The following ASTN2 variants were observed in gnomAD, a reference collection of about 807,000 sequenced individuals.
ASTN2 encodes astrotactin-2.
A neutral mutation model predicts 139.8 loss-of-function variants in ASTN2; 54 were observed. The observed-to-expected ratio is 0.39, with a 90% CI of 0.31 to 0.48. ASTN2 has a LOEUF of 0.48. Ranked by LOEUF, ASTN2 falls within the 20% of genes least tolerant of loss-of-function variation. ASTN2 has a pLI of 0.95. For synonymous variants in ASTN2, 756 were observed against 719.5 expected, an observed-to-expected ratio of 1.05 and a Z score of -0.81; for missense variants, 1,565 against 1,725.1, an observed-to-expected ratio of 0.91 and a Z score of 1.64.
At position 116,698,896 on chromosome 9, in the gene ASTN2, T is replaced by C; in HGVS notation, c.2806+26875A>G. ...CTCTACGTGACCAGTCAAGGTGAAGTACTAGTCGCTGACCGTGGTAACTAT... is the reference window on the plus strand; with the variant it reads ...CTCTACGTGACCAGTCAAGGTGAAGCACTAGTCGCTGACCGTGGTAACTAT... On this transcript the variant is annotated intron_variant, in intron 16 of 22. Coordinates refer to ENST00000313400, the MANE Select transcript of ASTN2 (RefSeq NM_001365068.1). This position sits in a 1 kb window ranked among gnomAD's most constrained non-coding sequence, Gnocchi z 4.4. 6.2e-7 allele frequency: 1 copy of C among 1,614,214 alleles called. No homozygotes were observed. Among genetic ancestry groups the C allele is most frequent in the East Asian group, 2.2e-5 (1 of 44,864 alleles).
chr9:117,198,261 T>C (rs1475770100), intron 3 of ASTN2, among the ~76,000 whole-genome samples: 1 of 152,156 alleles, frequency 6.6e-6, no homozygotes, highest in Non-Finnish European at 1.5e-5. Context: ...CTCCCACTTA[T>C]GAGTGAGAAC....
At chr9:116,673,786 T>C (rs1331499342) in intron 16 of ASTN2, among the ~76,000 whole-genome samples, 1 of 152,138 alleles carries the variant, frequency 6.6e-6, no homozygotes, top group Non-Finnish European at 1.5e-5. Flanking sequence ...TTTTCTATGC[T>C]CCAAAACTGT....
At chr9:116,778,947 G>A (rs1204166338) in intron 13 of ASTN2, among the ~76,000 whole-genome samples, 1 of 152,102 alleles carries the variant, frequency 6.6e-6, no homozygotes, top group South Asian at 2.1e-4. Context: ...AGGAACTATC[G>A]CATACTGTTA....
At chr9:117,177,755 G>T (rs1208587508) in intron 3 of ASTN2, among the ~76,000 whole-genome samples, 2 of 152,192 alleles carry the variant, frequency 1.3e-5, no homozygotes, top group Non-Finnish European at 2.9e-5. Context: ...TGTGATTAGA[G>T]TCATCATTTT....
In ASTN2 at chr9:116,698,748, C is replaced by A. The variant is rs1861018684; in HGVS notation, c.2806+27023G>T. The A allele has an allele frequency of 6.2e-7, 1 of 1,614,156 alleles. No homozygotes were observed. Among genetic ancestry groups the A allele is most frequent in the African/African-American group, 1.3e-5 (1 of 75,036 alleles). On this transcript the variant is annotated intron_variant, in intron 16 of 22. Transcript: ENST00000313400. The surrounding 1 kb of genome is among the most constrained non-coding windows in gnomAD (Gnocchi z 4.4). ...GAGCCCGGAGGAAGTGGTTGCCAGCCCTAGGGCCTCACCTGCTAAACAGCG... is the reference window on the plus strand; with the variant it reads ...GAGCCCGGAGGAAGTGGTTGCCAGCACTAGGGCCTCACCTGCTAAACAGCG...
At chr9:117,389,610 T>C (rs931290395) in intron 1 of ASTN2, among the ~76,000 whole-genome samples, 2 of 152,120 alleles carry the variant, frequency 1.3e-5, no homozygotes, top group African/African-American at 4.8e-5. Flanking sequence ...GACTTGACAC[T>C]ATGGAGGCAG....
chr9:116,863,566 G>A lies in ASTN2; in HGVS notation c.2040+17C>T, dbSNP rs746774780. The A allele has an allele frequency of 6.2e-7, 1 of 1,612,488 alleles. No homozygotes were observed. Among genetic ancestry groups the A allele is most frequent in the Admixed American group, 1.7e-5 (1 of 59,956 alleles). ...CCCCTGGGCCACTGCCATGTTCCCGGGCCAATGGGCACTTACCACACATCC... is the reference window on the plus strand; with the variant it reads ...CCCCTGGGCCACTGCCATGTTCCCGAGCCAATGGGCACTTACCACACATCC... On this transcript the variant is annotated intron_variant, in intron 11 of 22. Transcript: ENST00000313400.
intron 1 of ASTN2, among the ~76,000 whole-genome samples, chr9:117,311,224 T>A (rs1405822617): frequency 5.7e-5 from 3 of 52,854 alleles, no homozygotes; most frequent in African/African-American, 2.5e-4. Context: ...AATGGTAGGC[T>A]TACAGAAAAA....
intron 11 of ASTN2, among the ~76,000 whole-genome samples, chr9:116,830,704 A>G (rs1831784303): frequency 6.6e-6 from 1 of 151,600 alleles, no homozygotes; most frequent in South Asian, 2.1e-4. Context: ...AGGTGGGAGA[A>G]TCACTTGAAC....
intron 7 of ASTN2, among the ~76,000 whole-genome samples, chr9:116,989,483 C>T (rs979652522): frequency 1.2e-4 from 18 of 152,242 alleles, no homozygotes; most frequent in Admixed American, 9.2e-4. Context: ...TTGCCATTTC[C>T]AGTCCCTTCC....
At chr9:116,632,003 A>G (rs910618180) in intron 17 of ASTN2, among the ~76,000 whole-genome samples, 1 of 151,624 alleles carries the variant, frequency 6.6e-6, no homozygotes, top group African/African-American at 2.4e-5. Flanking sequence ...AGTGCCAGCT[A>G]CTCGGGAGGC....
At chr9:116,816,348 A>G (rs1219101703) in intron 12 of ASTN2, among the ~76,000 whole-genome samples, 1 of 152,142 alleles carries the variant, frequency 6.6e-6, no homozygotes, top group Non-Finnish European at 1.5e-5. Flanking sequence ...TTAGTGTCCA[A>G]TGACCTTCTC....
At chr9:117,129,385 T>C (rs571921194) in intron 4 of ASTN2, among the ~76,000 whole-genome samples, 1 of 152,182 alleles carries the variant, frequency 6.6e-6, no homozygotes, top group East Asian at 1.9e-4. Flanking sequence ...AAAATTAAAC[T>C]ACATCTAGCC....
At chr9:116,794,937 C>T (rs1830652316) in intron 13 of ASTN2, among the ~76,000 whole-genome samples, 1 of 152,054 alleles carries the variant, frequency 6.6e-6, no homozygotes, top group Admixed American at 6.6e-5. Context: ...GCAAGTGGCA[C>T]TTCTATGCTT....
chr9:117,243,711 T>G (rs1465647282), intron 2 of ASTN2, among the ~76,000 whole-genome samples: 1 of 152,192 alleles, frequency 6.6e-6, no homozygotes, highest in African/African-American at 2.4e-5. Context: ...CAGGTTTATC[T>G]GATCCTTATT....
intron 5 of ASTN2, among the ~76,000 whole-genome samples, chr9:117,089,048 G>C (rs750885985): frequency 3.3e-5 from 5 of 152,170 alleles, no homozygotes; most frequent in African/African-American, 4.8e-5. Context: ...CTTGCCTCCG[G>C]AGACTGTAAC....
chr9:116,920,120 GA>G (rs1468476211), intron 10 of ASTN2, among the ~76,000 whole-genome samples: 3 of 152,096 alleles, frequency 2.0e-5, no homozygotes, highest in African/African-American at 7.2e-5. Context: ...GGTTGGATTA[GA>G]TGCTCTCTAA....
At chr9:116,530,645 C>A (rs1242754885) in intron 19 of ASTN2, among the ~76,000 whole-genome samples, 1 of 151,920 alleles carries the variant, frequency 6.6e-6, no homozygotes, top group Non-Finnish European at 1.5e-5. Context: ...AAGAAAATAT[C>A]TGATGAATTA....
chr9:116,790,301 C>G (rs1331530385), intron 13 of ASTN2, among the ~76,000 whole-genome samples: 3 of 152,126 alleles, frequency 2.0e-5, no homozygotes, highest in African/African-American at 4.8e-5. Context: ...TGTTCCCTGA[C>G]TTCATGGTGA....
Sources: gnomAD v4.1 joint callset for allele counts (sites outside exome capture counted in the v4.1 genomes callset) on GRCh38, gnomAD v4.1.1 for gene constraint, Gnocchi (gnomAD v3.1) non-coding constraint, MANE v1.5 for transcripts, NCBI Gene and HGNC (gene_info 2026-07-23, HGNC 2026-07-21) for gene names.